The following DLGAP1 variants were observed in gnomAD, a reference collection of about 807,000 sequenced individuals.
DLGAP1 encodes disks large-associated protein 1.
Under a neutral mutation model 90.8 loss-of-function variants are expected in DLGAP1, and 11 were observed. The ratio of observed to expected loss-of-function variants is 0.12; its 90% CI spans 0.08 to 0.20. The LOEUF is 0.20. DLGAP1 is among the 10% of genes least tolerant of loss of function. DLGAP1 has a pLI of 1.00. For synonymous variants in DLGAP1, 558 were observed against 540.7 expected, an observed-to-expected ratio of 1.03 and a Z score of -0.44; for missense variants, 1,050 against 1,333.8, an observed-to-expected ratio of 0.79 and a Z score of 3.31.
chr18:3,996,572 A>G (rs2074075587), intron 3 of DLGAP1, among the ~76,000 whole-genome samples: 3 of 152,062 alleles, frequency 2.0e-5, no homozygotes, highest in African/African-American at 7.2e-5. Flanking sequence ...AAGCCAAAAG[A>G]ATGTAATATT....
At chr18:3,851,861 CAG>C (rs1351842127) in intron 4 of DLGAP1, among the ~76,000 whole-genome samples, 9 of 151,892 alleles carry the variant, frequency 5.9e-5, no homozygotes, top group Admixed American at 4.6e-4. Flanking sequence ...TGTAAGAACT[CAG>C]GGAAGAAATG....
At chr18:4,312,128 G>C (rs1298950220) in intron 1 of DLGAP1, among the ~76,000 whole-genome samples, 1 of 152,190 alleles carries the variant, frequency 6.6e-6, no homozygotes, top group Non-Finnish European at 1.5e-5. Context: ...TGGGACTACA[G>C]GCATGAGCCA....
intron 4 of DLGAP1, among the ~76,000 whole-genome samples, chr18:3,835,545 A>G (rs2068320436): frequency 6.6e-6 from 1 of 150,952 alleles, no homozygotes; most frequent in South Asian, 2.1e-4. Context: ...GCTACTTGGG[A>G]GGCTGAGGCA....
intron 4 of DLGAP1, among the ~76,000 whole-genome samples, chr18:3,833,239 T>C (rs2068165229): frequency 7.8e-6 from 1 of 128,148 alleles, no homozygotes; most frequent in South Asian, 2.6e-4. Flanking sequence ...CCTTCCTTCC[T>C]CCTTGTTTTT....
Position 3,790,260 on chromosome 18 carries a change from T to C in DLGAP1, c.1172+23799A>G, listed in dbSNP as rs1486093865. On this transcript the variant is annotated intron_variant, in intron 5 of 12. Transcript: ENST00000315677. ...AAATCTTCCTAAGTCTTTGCTTCTT[T>C]TACTTTTTTTTTCTTTTTTTTTTTT... Among the ~76,000 whole-genome samples the C allele has an allele frequency of 2.9e-5, 4 of 137,432 alleles. No individual in the cohort carries two copies. In the Admixed American group the frequency reaches 3.2e-4, roughly 11 times the overall value. 90.2% of individuals were successfully genotyped at this position (137,432 alleles called of 152,430 possible). A position where few individuals can be genotyped will look rare whatever the true frequency, so the allele number is the denominator to read the frequency against.
intron 5 of DLGAP1, among the ~76,000 whole-genome samples, chr18:3,812,899 A>G (rs2148422747): frequency 6.6e-6 from 1 of 152,318 alleles, no homozygotes; most frequent in African/African-American, 2.4e-5. Flanking sequence ...ACATAAATGC[A>G]TGAATAGTAA....
chr18:4,053,938 T>C (rs1568371124), intron 2 of DLGAP1, among the ~76,000 whole-genome samples: 1 of 152,242 alleles, frequency 6.6e-6, no homozygotes, highest in Non-Finnish European at 1.5e-5. Context: ...AGTTATTTTA[T>C]AGTTTCTTGA....
chr18:3,580,685 G>A (rs567019419), intron 8 of DLGAP1: 24 of 1,612,572 alleles, frequency 1.5e-5, no homozygotes, highest in Admixed American at 3.3e-5. Flanking sequence ...TGAGGACGAC[G>A]GTGGCCACAA....
chr18:3,804,476 G>A (rs756601417), intron 5 of DLGAP1, among the ~76,000 whole-genome samples: 80 of 152,330 alleles, frequency 5.3e-4, no homozygotes, highest in Non-Finnish European at 9.8e-4. Flanking sequence ...GGATGGCTGC[G>A]TGGATATTTT....
rs531115504 is a variant in DLGAP1, at chr18:3,878,999, G to A, written c.957+113C>T. The A allele has an allele frequency of 6.0e-4, 532 of 888,604 alleles. 2 individuals carry two copies. Among genetic ancestry groups the A allele is most frequent in the Middle Eastern group, 4.2e-3 (18 of 4,236 alleles). 55.0% of individuals were successfully genotyped at this position (888,604 alleles called of 1,614,324 possible). A position where few individuals can be genotyped will look rare whatever the true frequency, so the allele number is the denominator to read the frequency against. ...CAGAGATGCCGAATAATTTGCACAG[G>A]TTCCTATCTTAATAGACAATTCAGA... On this transcript the variant is annotated intron_variant, in intron 4 of 12. Coordinates refer to ENST00000315677, the MANE Select transcript of DLGAP1 (RefSeq NM_004746.4).
intron 1 of DLGAP1, among the ~76,000 whole-genome samples, chr18:4,172,947 C>G (rs2077047457): frequency 6.6e-6 from 1 of 152,182 alleles, no homozygotes; most frequent in Non-Finnish European, 1.5e-5. Flanking sequence ...CTAGGTTGTT[C>G]TCATCCAAAC....
intron 3 of DLGAP1, among the ~76,000 whole-genome samples, chr18:3,917,824 T>A (rs933706314): frequency 5.3e-5 from 8 of 149,940 alleles, no homozygotes; most frequent in Non-Finnish European, 1.0e-4. Flanking sequence ...TATGGGAGAG[T>A]CAGTACCTAG....
In DLGAP1 at chr18:3,660,266, C is replaced by A. The variant is rs2059641498; in HGVS notation, c.1591+68869G>T. ...TCAAGCAATCCTCCAGCCTCAGACTCCCAAGTAGCAGGGACTACAGGTACC... is the reference window on the plus strand; with the variant it reads ...TCAAGCAATCCTCCAGCCTCAGACTACCAAGTAGCAGGGACTACAGGTACC... On this transcript the variant is annotated intron_variant, in intron 7 of 12. Coordinates refer to ENST00000315677, the MANE Select transcript of DLGAP1 (RefSeq NM_004746.4). The surrounding 1 kb of genome is among the most constrained non-coding windows in gnomAD (Gnocchi z 4.2). 6.6e-6 allele frequency among the ~76,000 whole-genome samples: 1 copy of A among 152,190 alleles called. No homozygotes were observed. Among genetic ancestry groups the A allele is most frequent in the Non-Finnish European group, 1.5e-5 (1 of 68,020 alleles).
At chr18:4,156,943 G>A (rs1163459831) in intron 1 of DLGAP1, among the ~76,000 whole-genome samples, 1 of 152,160 alleles carries the variant, frequency 6.6e-6, no homozygotes, top group African/African-American at 2.4e-5. Flanking sequence ...GAGAAACTCT[G>A]GAAGCTCTAG....
At chr18:3,651,617 C>A (rs112630061) in intron 7 of DLGAP1, among the ~76,000 whole-genome samples, 5 of 151,372 alleles carry the variant, frequency 3.3e-5, no homozygotes, top group African/African-American at 9.7e-5. Context: ...ACAAGGCGAA[C>A]CCCCGTCTCC....
intron 6 of DLGAP1, among the ~76,000 whole-genome samples, chr18:3,731,571 CT>C (rs71368708): frequency 0.07 from 9,243 of 132,176 alleles, 822 homozygotes; most frequent in African/African-American, 0.23. Context: ...CCACGCCTGG[CT>C]TTTTTTTTTT....
At chr18:3,575,894 G>A (rs1271851525) in intron 8 of DLGAP1, among the ~76,000 whole-genome samples, 1 of 152,114 alleles carries the variant, frequency 6.6e-6, no homozygotes, top group Non-Finnish European at 1.5e-5. Context: ...TAGAAGCAGA[G>A]TGCCACAAGG....
At chr18:4,249,268 G>T (rs1349926362) in intron 1 of DLGAP1, among the ~76,000 whole-genome samples, 1 of 151,950 alleles carries the variant, frequency 6.6e-6, no homozygotes, top group Non-Finnish European at 1.5e-5. Flanking sequence ...AACACTGCCG[G>T]GCACAAAGTA....
intron 3 of DLGAP1, among the ~76,000 whole-genome samples, chr18:3,901,430 G>A (rs534094058): frequency 3.0e-4 from 46 of 152,052 alleles, no homozygotes; most frequent in Non-Finnish European, 4.7e-4. Context: ...TTTACACCCC[G>A]TCCACTGCTT....
Sources: allele counts gnomAD v4.1 joint callset (sites outside exome capture counted in the v4.1 genomes callset), GRCh38; gene constraint gnomAD v4.1.1; non-coding constraint Gnocchi (gnomAD v3.1); transcripts MANE v1.5; gene names NCBI Gene and HGNC (gene_info 2026-07-23, HGNC 2026-07-21).